The following HELZ variants were observed in gnomAD, a reference collection of about 807,000 sequenced individuals.
HELZ encodes helicase with zinc finger.
In HELZ, 23 loss-of-function variants were observed where a neutral mutation model predicts 218.2. The ratio of observed to expected loss-of-function variants is 0.11; its 90% CI spans 0.08 to 0.15. The LOEUF (loss-of-function observed/expected upper bound fraction) is 0.15. Among genes scored for constraint, HELZ ranks in the 10% least tolerant of loss-of-function variants. The pLI is 1.00. For missense variants in HELZ, 1,813 were observed against 2,353.7 expected (o/e 0.77, Z 4.75); for synonymous variants, 814 against 829.4 (o/e 0.98, Z 0.32).
chr17:67,196,603 T>C (rs1343727212), intron 7 of HELZ, among the ~76,000 whole-genome samples: 1 of 131,380 alleles, frequency 7.6e-6, no homozygotes, highest in Non-Finnish European at 1.6e-5. Flanking sequence ...GATGGATGGA[T>C]GGGTGCATGG....
chr17:67,167,082 C>A (rs2039167496), intron 14 of HELZ, among the ~76,000 whole-genome samples: 1 of 152,168 alleles, frequency 6.6e-6, no homozygotes, highest in East Asian at 1.9e-4. Context: ...ATTAGTCTTC[C>A]AGTTAAATAT....
Position 67,136,040 on chromosome 17 carries a change from T to C in HELZ, c.3112A>G (p.Ile1038Val). The change falls in exon 23 of 33, where the codon ATC becomes GTC. Residue 1038 changes from isoleucine (I) to valine (V), a missense_variant. Coordinates refer to ENST00000358691, the MANE Select transcript of HELZ (RefSeq NM_014877.4). ...LSNYKLLNTAITRAQSLVAVV... is the reference protein window; with the variant it reads ...LSNYKLLNTAVTRAQSLVAVV... ...GCAACCAGGGATTGTGCTCTTGTGA[T>C]GGCAGTATTGAGAAGCTTGTAGTTA... 1 of 1,614,008 alleles carries C rather than the reference T, an allele frequency of 6.2e-7. No individual in the cohort carries two copies. Among genetic ancestry groups the C allele is most frequent in the Non-Finnish European group, 8.5e-7 (1 of 1,179,920 alleles).
Position 67,109,134 on chromosome 17 carries a change from G to A in HELZ, c.4471C>T (p.Pro1491Ser), listed in dbSNP as rs1299570473. 6.2e-7 allele frequency: 1 copy of A among 1,611,998 alleles called. No individual in the cohort carries two copies. ...SFIDENPSGL[P>S]IGEALDRIHG... ...AACTTACCTAAAGCCTCCCCTATAGGTAATCCCGAGGGGTTCTCATCAATG... is the reference window on the plus strand; with the variant it reads ...AACTTACCTAAAGCCTCCCCTATAGATAATCCCGAGGGGTTCTCATCAATG... The change falls in exon 29 of 33, where the codon CCT (proline) becomes TCT (serine). Residue 1491 changes from proline (P) to serine (S), a missense_variant. Physicochemically the swap from Pro to Ser is moderately conservative, Grantham distance 74. Transcript: ENST00000358691.
At chr17:67,139,717 A>G (rs1414419677) in intron 21 of HELZ, among the ~76,000 whole-genome samples, 2 of 152,240 alleles carry the variant, frequency 1.3e-5, no homozygotes, top group African/African-American at 4.8e-5. Flanking sequence ...TGGAAGGTTG[A>G]GGCCTACAAG....
At chr17:67,093,569 C>T (rs905852288) in intron 31 of HELZ, among the ~76,000 whole-genome samples, 3 of 152,178 alleles carry the variant, frequency 2.0e-5, no homozygotes, top group Non-Finnish European at 2.9e-5. Context: ...CATAAGGCAG[C>T]GCCTTGCCAT....
chr17:67,168,255 A>C (rs1040285969), intron 13 of HELZ, among the ~76,000 whole-genome samples: 2 of 152,202 alleles, frequency 1.3e-5, no homozygotes, highest in Admixed American at 1.3e-4. Context: ...CTGCGATTAC[A>C]GATGTGAGCC....
rs1371930432 is a variant in HELZ, at chr17:67,114,359, G to C, written c.3883C>G (p.Arg1295Gly). The change falls in exon 28 of 33, where the codon CGA becomes GGA. Residue 1295 changes from arginine to glycine, a missense_variant. By Grantham distance (125) the Arg-to-Gly change is moderately radical. Coordinates refer to ENST00000358691, the MANE Select transcript of HELZ (RefSeq NM_014877.4). ...TCTGTTGGCTTTTTCTCTGGTGTTC[G>C]AATCTTATTAATTTCAGGTCCGGAA... ...NNSGPEINKI[R>G]TPEKKPTEPK... 1 of 1,611,056 alleles carries C rather than the reference G, an allele frequency of 6.2e-7. No individual in the cohort carries two copies. The highest frequency in any genetic ancestry group is 1.7e-5 in the Admixed American group (1 of 59,998).
chr17:67,238,033 A>G (rs1370106108), intron 3 of HELZ, among the ~76,000 whole-genome samples: 2 of 149,962 alleles, frequency 1.3e-5, no homozygotes, highest in East Asian at 4.0e-4. Context: ...GGATGAAGAT[A>G]TCTCACAAAA....
chr17:67,101,791 G>A (rs2036938539), intron 31 of HELZ, among the ~76,000 whole-genome samples: 1 of 152,184 alleles, frequency 6.6e-6, no homozygotes, highest in South Asian at 2.1e-4. Context: ...TAGTGAGAAT[G>A]TAATAATTCC....
intron 5 of HELZ, among the ~76,000 whole-genome samples, chr17:67,210,970 A>T (rs1297279011): frequency 2.6e-5 from 4 of 152,226 alleles, no homozygotes; most frequent in African/African-American, 9.6e-5. Context: ...AAATAGAACC[A>T]TTATTTCATC....
chr17:67,153,177 G>A (rs1444891152), intron 17 of HELZ, among the ~76,000 whole-genome samples: 1 of 152,128 alleles, frequency 6.6e-6, no homozygotes. Flanking sequence ...GGGTGAAGGT[G>A]AGTTTTTGTT....
intron 12 of HELZ, among the ~76,000 whole-genome samples, chr17:67,182,867 G>A (rs769584432): frequency 2.6e-5 from 4 of 152,032 alleles, no homozygotes; most frequent in East Asian, 1.9e-4. Context: ...GGTTTGTTTC[G>A]TCTTGAAGTA....
chr17:67,230,613 A>AG (rs10688723), intron 3 of HELZ, among the ~76,000 whole-genome samples: 1 of 150,648 alleles, frequency 6.6e-6, no homozygotes, highest in Non-Finnish European at 1.5e-5. Context: ...AAAAAAAAAA[A>AG]GCAAGCAAAT....
chr17:67,153,495 A>G (rs2038751747), intron 17 of HELZ, among the ~76,000 whole-genome samples: 1 of 152,232 alleles, frequency 6.6e-6, no homozygotes, highest in Non-Finnish European at 1.5e-5. Context: ...TAGTTAGGAA[A>G]ACCAAAGCCC....
chr17:67,104,334 G>A (rs2037026315), intron 31 of HELZ, among the ~76,000 whole-genome samples: 1 of 151,864 alleles, frequency 6.6e-6, no homozygotes, highest in South Asian at 2.1e-4. Context: ...AGCTATTCCG[G>A]AGGGTGAGGC....
In HELZ at chr17:67,145,845, C is replaced by A. The variant is rs773992630; in HGVS notation, c.2667G>T (p.Gly889=). ...LFYEGKLMAS[G]KQPAHKDFYP... is the part of the protein sequence containing the mutation. ...AGAAATCTTTGTGTGCTGGCTGCTTCCCACTGGCCATCAGTTTGCCCTCAT... is the reference window on the plus strand; with the variant it reads ...AGAAATCTTTGTGTGCTGGCTGCTTACCACTGGCCATCAGTTTGCCCTCAT... The change falls in exon 21 of 33, where the codon GGG becomes GGT. Residue 889 remains glycine (G), a synonymous_variant. Transcript: ENST00000358691. 3 of 1,613,712 alleles carry A rather than the reference C, an allele frequency of 1.9e-6. No individual in the cohort carries two copies. The highest frequency in any genetic ancestry group is 2.5e-6 in the Non-Finnish European group (3 of 1,179,812).
intron 32 of HELZ, among the ~76,000 whole-genome samples, chr17:67,081,378 G>T (rs1346445975): frequency 6.6e-6 from 1 of 152,166 alleles, no homozygotes; most frequent in Non-Finnish European, 1.5e-5. Flanking sequence ...TTCCTCATTA[G>T]TCTCCTCTGA....
intron 31 of HELZ, among the ~76,000 whole-genome samples, chr17:67,092,915 C>T (rs532651727): frequency 3.0e-4 from 46 of 151,426 alleles, no homozygotes; most frequent in African/African-American, 1.1e-3. Flanking sequence ...TTGCAGTGAG[C>T]CAAGATTGTG....
intron 3 of HELZ, among the ~76,000 whole-genome samples, chr17:67,219,526 C>T (rs1337342477): frequency 6.6e-6 from 1 of 152,208 alleles, no homozygotes; most frequent in Non-Finnish European, 1.5e-5. Flanking sequence ...GTTCACCATA[C>T]AGATGACAGG....
Sources: gnomAD v4.1 joint callset for allele counts (sites outside exome capture counted in the v4.1 genomes callset) on GRCh38, gnomAD v4.1.1 for gene constraint, MANE v1.5 for transcripts, NCBI Gene and HGNC (gene_info 2026-07-23, HGNC 2026-07-21) for gene names.